Variants in TF observed in about 807,000 individuals in gnomAD.
The protein encoded by TF is transferrin.
A neutral mutation model predicts 82.4 loss-of-function variants in TF; 55 were observed. The observed-to-expected ratio is 0.67, with a 90% CI of 0.54 to 0.84. TF has a LOEUF of 0.84. Among genes scored for constraint, TF ranks in the 40% least tolerant of loss-of-function variants. The pLI, the probability that TF is intolerant of heterozygous loss-of-function variation, is 0.00. For synonymous variants in TF, 332 were observed against 332.6 expected (o/e 1.00, Z 0.02); for missense variants, 737 against 868.4 (o/e 0.85, Z 1.90).
chr3:133,723,234 G>C, the TF span, among the ~76,000 whole-genome samples: 1,153 of 152,250 alleles, frequency 7.6e-3, 16 homozygotes, highest in African/African-American at 0.027. Context: ...TTGACAGTTT[G>C]ATTATAATGT....
chr3:133,703,636 A>C, the TF span, among the ~76,000 whole-genome samples: 1 of 152,202 alleles, frequency 6.6e-6, no homozygotes, highest in African/African-American at 2.4e-5. Context: ...GGTAGTGAAA[A>C]GGTCAAAAAC....
the TF span, among the ~76,000 whole-genome samples, chr3:133,689,936 A>ATAC: frequency 1.3e-5 from 2 of 152,196 alleles, no homozygotes; most frequent in Non-Finnish European, 2.9e-5. Context: ...TGATACATGT[A>ATAC]TACTAGATTT....
At position 133,786,444 on chromosome 3, in the gene TF, G is replaced by C. The variant is rs1169301969; in HGVS notation, c.*7824G>C. ...TGGTTCAGGGGAGGAGAGAGGAAAG[G>C]AAGTGTAAGAGCTCTATGCCAATGT... On this transcript the variant is annotated 3_prime_UTR_variant, in exon 17 of 17. Transcript: ENST00000402696. 1 of 152,140 alleles carries C rather than the reference G, an allele frequency of 6.6e-6. No individual in the cohort carries two copies. Among genetic ancestry groups the C allele is most frequent in the Admixed American group, 6.5e-5 (1 of 15,274 alleles). The allele number at this position is 152,140 out of a possible 1,614,324, so 9.4% of individuals were successfully genotyped here.
the TF span, among the ~76,000 whole-genome samples, chr3:133,718,811 G>A: frequency 6.6e-6 from 1 of 152,160 alleles, no homozygotes; most frequent in South Asian, 2.1e-4. Flanking sequence ...GATCAGGAAG[G>A]TTTCTTTTTG....
chr3:133,792,906 C>G lies in TF; in HGVS notation c.*14286C>G, dbSNP rs1934875709. ...TTGAACATCAAAATAAAAGCACAAACAGGGTTTTCTTAAAGCACCGATCTG... is the reference window on the plus strand; with the variant it reads ...TTGAACATCAAAATAAAAGCACAAAGAGGGTTTTCTTAAAGCACCGATCTG... On this transcript the variant is annotated 3_prime_UTR_variant, in exon 17 of 17. Coordinates refer to ENST00000402696, the MANE Select transcript of TF (RefSeq NM_001063.4). 2.0e-5 allele frequency: 3 copies of G among 152,044 alleles called. No homozygotes were observed. In the South Asian group the frequency reaches 6.2e-4, roughly 31 times the overall value. The allele number at this position is 152,044 out of a possible 1,614,324, so 9.4% of individuals were successfully genotyped here.
intron 5 of TF, among the ~76,000 whole-genome samples, chr3:133,755,963 A>C (rs775710762): frequency 3.9e-5 from 6 of 152,230 alleles, no homozygotes; most frequent in Middle Eastern, 3.4e-3. Context: ...AAGTTTTACA[A>C]CCAGCCAAAG....
At chr3:133,770,634 G>C (rs1232325138) in intron 14 of TF, 62 bp downstream of exon 14, 1 of 1,533,988 alleles carries the variant, frequency 6.5e-7, no homozygotes, top group African/African-American at 1.4e-5. Context: ...GTATTCACTT[G>C]TATTCAGGGA....
the TF span, chr3:133,699,562 T>C: frequency 1.4e-6 from 1 of 726,384 alleles, no homozygotes; most frequent in Non-Finnish European, 2.3e-6. Flanking sequence ...TCTCATACTG[T>C]CATGGCCTGA....
At chr3:133,754,123 T>C (rs1933758498) in intron 3 of TF, 2 of 416,418 alleles carry the variant, frequency 4.8e-6, no homozygotes, top group East Asian at 5.5e-5. Context: ...TGACTGTCTC[T>C]GGGCCTGTGC....
At chr3:133,663,256 C>G in the TF span, among the ~76,000 whole-genome samples, 2 of 152,176 alleles carry the variant, frequency 1.3e-5, no homozygotes, top group African/African-American at 2.4e-5. Context: ...CCCACTCTCT[C>G]TCTCCTAATT....
rs1453191205 is a variant in TF at position 133,786,780 on chromosome 3, T to A, written c.*8160T>A. 2 of 152,254 alleles carry A rather than the reference T, an allele frequency of 1.3e-5. No homozygotes were observed. The highest frequency in any genetic ancestry group is 2.9e-5 in the Non-Finnish European group (2 of 68,038). 9.4% of individuals were successfully genotyped at this position (152,254 alleles called of 1,614,324 possible). On this transcript the variant is annotated 3_prime_UTR_variant, in exon 17 of 17. Transcript: ENST00000402696. Reference sequence around the variant, plus strand: ...AGACTCAGTCATAACTGTTTTTACATGTGTTCACTTTATTCAAGACTTCTG... The same window carrying A: ...AGACTCAGTCATAACTGTTTTTACAAGTGTTCACTTTATTCAAGACTTCTG...
At chr3:133,696,693 A>G in the TF span, among the ~76,000 whole-genome samples, 1 of 152,328 alleles carries the variant, frequency 6.6e-6, no homozygotes, top group South Asian at 2.1e-4. Context: ...CTTAAGCAAA[A>G]CATACAAATT....
At chr3:133,778,245 A>C in intron 16 of TF, 1 of 296,280 alleles carries the variant, frequency 3.4e-6, no homozygotes, top group South Asian at 3.6e-5. Context: ...TTGCTATGTC[A>C]GTTCCTCACC....
In TF at chr3:133,759,206, T is replaced by G; in HGVS notation, c.1080T>G (p.Pro360=). The change falls in exon 9 of 17, where the codon CCT becomes CCG. Residue 360 remains proline (P), a synonymous_variant. Coordinates refer to ENST00000402696, the MANE Select transcript of TF (RefSeq NM_001063.4). Reference sequence around the variant, plus strand: ...AAGCCCCAACAGATGAATGCAAGCCTGTGAAGTGGTGTGCGCTGAGCCACC... The same window carrying G: ...AAGCCCCAACAGATGAATGCAAGCCGGTGAAGTGGTGTGCGCTGAGCCACC... ...CPEAPTDECK[P]VKWCALSHHE... 1 of 1,614,016 alleles carries G rather than the reference T, an allele frequency of 6.2e-7. No individual in the cohort carries two copies. The highest frequency in any genetic ancestry group is 8.5e-7 in the Non-Finnish European group (1 of 1,179,940).
chr3:133,726,795 A>G, the TF span, among the ~76,000 whole-genome samples: 6 of 152,024 alleles, frequency 3.9e-5, no homozygotes, highest in Non-Finnish European at 8.8e-5. Context: ...GTGGGCATTT[A>G]GTGCTATAAA....
At chr3:133,756,534 T>C (rs977118980) in intron 6 of TF, among the ~76,000 whole-genome samples, 197 bp downstream of exon 6, 1 of 152,110 alleles carries the variant, frequency 6.6e-6, no homozygotes, top group African/African-American at 2.4e-5. Context: ...CATCATTCAA[T>C]CTCTCCACAC....
chr3:133,751,331 C>G (rs1009910479), intron 2 of TF, among the ~76,000 whole-genome samples: 8 of 148,714 alleles, frequency 5.4e-5, no homozygotes, highest in African/African-American at 1.7e-4. Context: ...CTCCCGGGTT[C>G]ACGCCATTCT....
At chr3:133,740,853 A>G in the TF span, among the ~76,000 whole-genome samples, 1 of 148,376 alleles carries the variant, frequency 6.7e-6, no homozygotes, top group South Asian at 2.1e-4. Context: ...ATGTCTTTTG[A>G]TAGATTTAAT....
At chr3:133,667,610 A>G in the TF span, among the ~76,000 whole-genome samples, 1 of 152,138 alleles carries the variant, frequency 6.6e-6, no homozygotes, top group Non-Finnish European at 1.5e-5. Flanking sequence ...AATTATGTCT[A>G]GGAAAGAACT....
Sources: gnomAD v4.1 joint callset for allele counts (sites outside exome capture counted in the v4.1 genomes callset) on GRCh38, gnomAD v4.1.1 for gene constraint, MANE v1.5 for transcripts, NCBI Gene and HGNC (gene_info 2026-07-23, HGNC 2026-07-21) for gene names.